Variants in COL11A1 observed in about 807,000 individuals in gnomAD.
COL11A1 encodes collagen type XI alpha 1 chain, also known as collagen alpha-1(XI) chain.
COL11A1 carries 74 observed loss-of-function variants against 265.2 expected under a neutral mutation model. The observed-to-expected ratio is 0.28, with a 90% CI of 0.23 to 0.34. COL11A1 has a LOEUF of 0.34. Among genes scored for constraint, COL11A1 ranks in the 10% least tolerant of loss-of-function variants. The probability of loss-of-function intolerance (pLI) is 1.00; values close to 1 mark genes in which losing one functional copy is unlikely to be tolerated. For missense variants in COL11A1, 2,165 were observed against 2,263.6 expected, an observed-to-expected ratio of 0.96 and a Z score of 0.88; for synonymous variants, 816 against 727.6, an observed-to-expected ratio of 1.12 and a Z score of -1.96.
chr1:102,903,082 GA>G (rs1423796376), intron 54 of COL11A1, among the ~76,000 whole-genome samples: 1 of 151,892 alleles, frequency 6.6e-6, no homozygotes, highest in Non-Finnish European at 1.5e-5. Flanking sequence ...GTCAGCTCTA[GA>G]TTTTTTTTTC....
chr1:103,074,475 A>G (rs1435630509), intron 4 of COL11A1, 143 bp downstream of exon 4: 3 of 834,756 alleles, frequency 3.6e-6, no homozygotes, highest in Non-Finnish European at 5.7e-6. Flanking sequence ...TCACCACTAT[A>G]CTCACAGAGG....
intron 46 of COL11A1, among the ~76,000 whole-genome samples, chr1:102,929,214 T>C (rs922019738): frequency 2.1e-5 from 3 of 144,110 alleles, no homozygotes; most frequent in Admixed American, 1.4e-4. Flanking sequence ...CTAGGGTTTT[T>C]ATGGTTTTAG....
chr1:102,985,140 T>A (rs569000875), intron 30 of COL11A1, among the ~76,000 whole-genome samples: 3 of 152,110 alleles, frequency 2.0e-5, no homozygotes, highest in Admixed American at 1.3e-4. Context: ...TTATAAAATA[T>A]TATTTACTAA....
chr1:103,021,941 G>A (rs1037828412), intron 8 of COL11A1, among the ~76,000 whole-genome samples, 172 bp from the exon 9 acceptor site: 19 of 151,260 alleles, frequency 1.3e-4, no homozygotes, highest in African/African-American at 4.6e-4. Context: ...TCGCCTGCCG[G>A]GTTCACGCCA....
At chr1:103,048,313 C>A (rs1455163424) in intron 4 of COL11A1, among the ~76,000 whole-genome samples, 39 of 152,140 alleles carry the variant, frequency 2.6e-4, no homozygotes, top group Non-Finnish European at 5.9e-5. Flanking sequence ...GATTCAACTT[C>A]TTCCTGGTTT....
rs2101406467 is a variant in COL11A1 at position 102,946,853 on chromosome 1, G to A, written c.3272C>T (p.Ala1091Val). 6.2e-7 allele frequency: 1 copy of A among 1,612,318 alleles called. No individual in the cohort carries two copies. Among genetic ancestry groups the A allele is most frequent in the Non-Finnish European group, 8.5e-7 (1 of 1,178,798 alleles). Residue 1091 changes from alanine to valine, a missense_variant, in exon 42 of 67, where the codon GCT becomes GTT. By Grantham distance (64) the Ala-to-Val change is moderately conservative (BLOSUM62 0). Coordinates refer to ENST00000370096, the MANE Select transcript of COL11A1 (RefSeq NM_001854.4). The stretch of plus-strand genomic sequence containing the variant: ...TTTCTCCTAGACATTACTTACAGGA[G>A]CACCTTTCTCTCCAGCTGGACCAGG... ...GPPGPAGEKG[A>V]PGEKGPQGPA...
At chr1:103,051,015 G>A (rs954913637) in intron 4 of COL11A1, among the ~76,000 whole-genome samples, 2 of 152,206 alleles carry the variant, frequency 1.3e-5, no homozygotes, top group Non-Finnish European at 2.9e-5. Context: ...GCCCCTACTG[G>A]GGGATGCCTC....
chr1:103,036,847 T>G (rs1460861302), intron 4 of COL11A1, among the ~76,000 whole-genome samples: 1 of 152,106 alleles, frequency 6.6e-6, no homozygotes, highest in Non-Finnish European at 1.5e-5. Flanking sequence ...TAAGGTACAG[T>G]TGATGCAATT....
At chr1:102,927,312 A>T (rs191176624) in intron 46 of COL11A1, among the ~76,000 whole-genome samples, 170 of 152,286 alleles carry the variant, frequency 1.1e-3, no homozygotes, top group Non-Finnish European at 2.0e-3. Context: ...AAAATGCTAT[A>T]ATCTTTCCGT....
At chr1:103,083,366 T>G (rs576003419) in intron 1 of COL11A1, among the ~76,000 whole-genome samples, 1 of 152,046 alleles carries the variant, frequency 6.6e-6, no homozygotes, top group Non-Finnish European at 1.5e-5. Context: ...TTATAAAATA[T>G]TTAATAATTC....
intron 46 of COL11A1, among the ~76,000 whole-genome samples, chr1:102,927,748 T>G (rs1656791673): frequency 6.6e-6 from 1 of 152,230 alleles, no homozygotes; most frequent in Non-Finnish European, 1.5e-5. Context: ...GGCTGTAGTG[T>G]TCTACAATTT....
At chr1:103,062,419 A>G (rs1670746110) in intron 4 of COL11A1, among the ~76,000 whole-genome samples, 1 of 151,998 alleles carries the variant, frequency 6.6e-6, no homozygotes, top group Non-Finnish European at 1.5e-5. Context: ...CATAAATGCA[A>G]AAATCCTTAA....
intron 4 of COL11A1, among the ~76,000 whole-genome samples, chr1:103,042,133 T>C (rs538007934): frequency 9.9e-5 from 15 of 152,214 alleles, no homozygotes; most frequent in Admixed American, 9.2e-4. Flanking sequence ...TGTTTACCAA[T>C]CATTCATCTA....
At position 102,889,610 on chromosome 1, in the gene COL11A1, C is replaced by G. The variant is rs540354456; in HGVS notation, c.4357-48G>C. Reference sequence around the variant, plus strand: ...ATAATAACATGTACATTACTATCTTCATAAAATTTTAGTTATAAAATATTT... The same window carrying G: ...ATAATAACATGTACATTACTATCTTGATAAAATTTTAGTTATAAAATATTT... On this transcript the variant is annotated intron_variant, in intron 58 of 66. Transcript: ENST00000370096. 4.5e-6 allele frequency: 6 copies of G among 1,327,818 alleles called. No homozygotes were observed. In the Admixed American group the frequency reaches 1.0e-4, roughly 23 times the overall value. The allele number at this position is 1,327,818 out of a possible 1,614,324, so 82.3% of individuals were successfully genotyped here. A position where few individuals can be genotyped will look rare whatever the true frequency, so the allele number is the denominator to read the frequency against.
At chr1:102,978,787 A>T (rs1662750922) in intron 34 of COL11A1, 35 bp from the exon 35 acceptor site, 1 of 1,613,932 alleles carries the variant, frequency 6.2e-7, no homozygotes, top group Non-Finnish European at 8.5e-7. Context: ...AATCAGTTTG[A>T]ATTCTTTCTC....
intron 29 of COL11A1, among the ~76,000 whole-genome samples, chr1:102,988,214 G>C (rs968332860): frequency 6.6e-6 from 1 of 152,012 alleles, no homozygotes; most frequent in Non-Finnish European, 1.5e-5. Flanking sequence ...GATTTAACTG[G>C]CCTCATGTTC....
At chr1:103,065,169 C>T (rs1343606997) in intron 4 of COL11A1, among the ~76,000 whole-genome samples, 1 of 57,036 alleles carries the variant, frequency 1.8e-5, no homozygotes, top group Non-Finnish European at 3.7e-5. Context: ...AACTCCCCGT[C>T]CTTTCTGCTC....
chr1:102,922,279 C>T (rs72983770), intron 47 of COL11A1, among the ~76,000 whole-genome samples: 3,136 of 152,278 alleles, frequency 0.021, 107 homozygotes, highest in African/African-American at 0.071. Flanking sequence ...TTATTATCTA[C>T]TACCGTGTAA....
intron 57 of COL11A1, among the ~76,000 whole-genome samples, chr1:102,893,018 C>G (rs761178321): frequency 6.6e-6 from 1 of 152,142 alleles, no homozygotes; most frequent in Non-Finnish European, 1.5e-5. Context: ...ATGAAATTGT[C>G]AAATTCACTT....
Sources: gnomAD v4.1 joint callset for allele counts (sites outside exome capture counted in the v4.1 genomes callset) on GRCh38, gnomAD v4.1.1 for gene constraint, MANE v1.5 for transcripts, NCBI Gene and HGNC (gene_info 2026-07-23, HGNC 2026-07-21) for gene names.